The following FBXO46 variants were observed in gnomAD, a reference collection of about 807,000 sequenced individuals.
The protein encoded by FBXO46 is F-box only protein 46.
Under a neutral mutation model 30.7 loss-of-function variants are expected in FBXO46, and 13 were observed. That is an observed-to-expected ratio of 0.42 (90% CI 0.28 to 0.67). The LOEUF is 0.67. FBXO46 is among the 30% of genes least tolerant of loss of function. The probability of loss-of-function intolerance (pLI) is 0.21; values close to 1 mark genes in which losing one functional copy is unlikely to be tolerated. For missense variants in FBXO46, 754 were observed against 871.5 expected (o/e 0.87, Z 1.70); for synonymous variants, 467 against 385.8 (o/e 1.21, Z -2.47).
intron 1 of FBXO46, among the ~76,000 whole-genome samples, chr19:45,718,528 G>C (rs1048297838): frequency 5.3e-5 from 8 of 152,036 alleles, no homozygotes; most frequent in African/African-American, 9.7e-5. Flanking sequence ...TGCCTTCCCT[G>C]GTCTCTGCAT....
intron 1 of FBXO46, among the ~76,000 whole-genome samples, chr19:45,728,774 T>C (rs775570601): frequency 2.6e-5 from 4 of 152,126 alleles, no homozygotes; most frequent in Non-Finnish European, 5.9e-5. Context: ...AGGTTGAGGC[T>C]GCAGTGAGTC....
upstream of FBXO46, among the ~76,000 whole-genome samples, chr19:45,732,452 T>G (rs1168182846): frequency 7.1e-6 from 1 of 141,610 alleles, no homozygotes; most frequent in African/African-American, 2.7e-5. Flanking sequence ...GGCTCATGCT[T>G]ATAATCTCAG....
intron 1 of FBXO46, among the ~76,000 whole-genome samples, chr19:45,730,011 C>T (rs768958530): frequency 2.6e-5 from 4 of 152,132 alleles, no homozygotes; most frequent in Non-Finnish European, 4.4e-5. Flanking sequence ...CTAATAGTAA[C>T]GATTTTAATG....
At chr19:45,720,835 C>A (rs1968160290) in intron 1 of FBXO46, among the ~76,000 whole-genome samples, 1 of 151,954 alleles carries the variant, frequency 6.6e-6, no homozygotes, top group African/African-American at 2.4e-5. Context: ...TGGCTGGGCG[C>A]AGTGGCTCAC....
At chr19:45,718,008 A>G (rs1172035364) in intron 1 of FBXO46, among the ~76,000 whole-genome samples, 1 of 152,154 alleles carries the variant, frequency 6.6e-6, no homozygotes, top group Non-Finnish European at 1.5e-5. Context: ...AGCAGCCAGA[A>G]AAGTCCTGTT....
rs758547080 is a variant in FBXO46 at position 45,711,767 on chromosome 19, G to A, written c.1729C>T (p.Arg577Cys). The A allele has an allele frequency of 3.8e-6, 6 of 1,592,486 alleles. No individual in the cohort carries two copies. Among genetic ancestry groups the A allele is most frequent in the Non-Finnish European group, 2.6e-6 (3 of 1,172,772 alleles). ...RRADRETPGC[R>C]LGLHDNNWVL... The stretch of plus-strand genomic sequence containing the variant: ...CAGTTGTTATCGTGGAGGCCCAGGC[G>A]GCAGCCGGGAGTCTCGCGGTCGGCT... The change falls in exon 2 of 2, where the codon CGC becomes TGC. Residue 577 changes from arginine to cysteine, a missense_variant. Around this residue, in one of 5 missense-constraint regions of FBXO46, gnomAD observed 162 missense variants for 258.7 expected, o/e 0.63. Coordinates refer to ENST00000317683, the MANE Select transcript of FBXO46 (RefSeq NM_001080469.2).
In FBXO46 at chr19:45,710,743, C is replaced by G. The variant is rs549163933; in HGVS notation, c.*941G>C. 7.3e-4 allele frequency: 111 copies of G among 152,492 alleles called. No individual in the cohort carries two copies. The highest frequency in any genetic ancestry group is 2.6e-3 in the African/African-American group (108 of 41,532). 9.4% of individuals were successfully genotyped at this position (152,492 alleles called of 1,614,324 possible). On this transcript the variant is annotated 3_prime_UTR_variant, in exon 2 of 2. Coordinates refer to ENST00000317683, the MANE Select transcript of FBXO46 (RefSeq NM_001080469.2). ...AAAAGAAAACAAAAAACAGAGAGAA[C>G]AAACAAAAATACCCCAGACCAAAAT...
Position 45,712,426 on chromosome 19 carries a change from C to G in FBXO46, c.1070G>C (p.Arg357Pro), listed in dbSNP as rs867970069. 6.2e-7 allele frequency: 1 copy of G among 1,610,464 alleles called. No individual in the cohort carries two copies. The highest frequency in any genetic ancestry group is 1.3e-5 in the African/African-American group (1 of 75,058). The change falls in exon 2 of 2, where the codon CGG (arginine) becomes CCG (proline). Residue 357 changes from arginine (R) to proline (P), a missense_variant. Coordinates refer to ENST00000317683, the MANE Select transcript of FBXO46 (RefSeq NM_001080469.2). This position sits in a 1 kb window ranked among gnomAD's most constrained non-coding sequence, Gnocchi z 8.8. ...GTGGAAGCCTGACGCTCCGCAGTCC[C>G]GGGCAGGGGGCGGAGGGGGCGCCGG... ...TPPAPPPPPARDCGASGFHVD... is the reference protein window; with the variant it reads ...TPPAPPPPPAPDCGASGFHVD...
rs762900394 is a variant in FBXO46, at chr19:45,712,257, G to A, written c.1239C>T (p.Asn413=). 13 of 1,605,216 alleles carry A rather than the reference G, an allele frequency of 8.1e-6. No individual in the cohort carries two copies. The Middle Eastern group carries it at 5.0e-4, about 61-fold the overall frequency. Reference sequence around the variant, plus strand: ...GCTCCGGGGGCCCGTCCGGCCCGCGGTTCTGGAGAAAGAAGAGCTGGCCCG... The same window carrying A: ...GCTCCGGGGGCCCGTCCGGCCCGCGATTCTGGAGAAAGAAGAGCTGGCCCG... ...PPPGQLFFLQ[N]RGPDGPPEPP... is the part of the protein sequence containing the mutation. Residue 413 remains asparagine (N), a synonymous_variant, in exon 2 of 2, where the codon AAC becomes AAT. Coordinates refer to ENST00000317683, the MANE Select transcript of FBXO46 (RefSeq NM_001080469.2). This position sits in a 1 kb window ranked among gnomAD's most constrained non-coding sequence, Gnocchi z 8.8.
chr19:45,714,237 G>A (rs934024212), intron 1 of FBXO46: 5 of 152,240 alleles, frequency 3.3e-5, no homozygotes, highest in East Asian at 3.9e-4. Flanking sequence ...TCAGTAGCTC[G>A]TTCCTGAAAA....
At chr19:45,723,420 A>G (rs1314763631) in intron 1 of FBXO46, 2 of 152,180 alleles carry the variant, frequency 1.3e-5, no homozygotes, top group Non-Finnish European at 2.9e-5. Flanking sequence ...TAGGGAATGA[A>G]CGCTAATTTT....
chr19:45,719,526 T>G (rs879421631), intron 1 of FBXO46, among the ~76,000 whole-genome samples: 2 of 152,188 alleles, frequency 1.3e-5, no homozygotes, highest in Admixed American at 6.5e-5. Context: ...ACAATTGATA[T>G]GGGAAAACAA....
intron 1 of FBXO46, among the ~76,000 whole-genome samples, chr19:45,729,386 C>G (rs1450361378): frequency 6.6e-6 from 1 of 152,176 alleles, no homozygotes; most frequent in Admixed American, 6.5e-5. Context: ...AGCCATACCA[C>G]TGCACTCCAG....
rs1277793151 is a variant in FBXO46, at chr19:45,712,551, C to T, written c.945G>A (p.Ser315=). 1 of 1,596,922 alleles carries T rather than the reference C, an allele frequency of 6.3e-7. No homozygotes were observed. Among genetic ancestry groups the T allele is most frequent in the Admixed American group, 1.7e-5 (1 of 58,338 alleles). Residue 315 remains serine, a synonymous_variant, in exon 2 of 2, where the codon TCG becomes TCA. Coordinates refer to ENST00000317683, the MANE Select transcript of FBXO46 (RefSeq NM_001080469.2). The surrounding 1 kb of genome is among the most constrained non-coding windows in gnomAD (Gnocchi z 8.8). ...CCACGTTGCTGGGGAGGGCATCCCG[C>T]GAGGGGCTGATGAGCTGGTATAAGT... ...TCDLYQLISP[S]RDALPSNVEF... is the part of the protein sequence containing the mutation.
At chr19:45,730,459 T>C (rs904470002) in intron 1 of FBXO46, among the ~76,000 whole-genome samples, 4 of 151,932 alleles carry the variant, frequency 2.6e-5, no homozygotes, top group African/African-American at 7.3e-5. Context: ...CGTCCACCGT[T>C]CGCCTGTCCC....
intron 1 of FBXO46, among the ~76,000 whole-genome samples, chr19:45,730,259 C>G (rs543005103): frequency 6.6e-6 from 1 of 152,204 alleles, no homozygotes; most frequent in South Asian, 2.1e-4. Flanking sequence ...CTGTGCCTGT[C>G]CAGCTTACCG....
rs986069386 is a variant in FBXO46 at position 45,721,910 on chromosome 19, G to A, written c.-78-8337C>T. The stretch of plus-strand genomic sequence containing the variant: ...AGCTGGAGTGCAGTAACACGATCTC[G>A]TCTCACTGTAACCTCCACCTCCCCT... On this transcript the variant is annotated intron_variant, in intron 1 of 1. Transcript: ENST00000317683. Among the ~76,000 whole-genome samples, 6 of 151,788 alleles carry A rather than the reference G, an allele frequency of 4.0e-5. 1 individual carries two copies. In the South Asian group the frequency reaches 6.3e-4, roughly 16 times the overall value.
intron 1 of FBXO46, among the ~76,000 whole-genome samples, chr19:45,726,270 C>T (rs765520828): frequency 2.4e-4 from 36 of 151,942 alleles, no homozygotes; most frequent in Non-Finnish European, 4.6e-4. Flanking sequence ...CACTTGAGCC[C>T]GGGAAGTTGA....
chr19:45,720,467 C>T (rs1324235874), intron 1 of FBXO46, among the ~76,000 whole-genome samples: 1 of 152,048 alleles, frequency 6.6e-6, no homozygotes, highest in Non-Finnish European at 1.5e-5. Flanking sequence ...CAGGGTTTCA[C>T]CATGTTGATC....
Sources: allele counts gnomAD v4.1 joint callset (sites outside exome capture counted in the v4.1 genomes callset), GRCh38; gene constraint gnomAD v4.1.1; regional missense constraint gnomAD v4.1.1; non-coding constraint Gnocchi (gnomAD v3.1); transcripts MANE v1.5; gene names NCBI Gene and HGNC (gene_info 2026-07-23, HGNC 2026-07-21).